Variants in CACNA2D3 observed in about 807,000 individuals in gnomAD.
CACNA2D3 encodes the protein voltage-dependent calcium channel subunit alpha-2/delta-3.
A neutral mutation model predicts 160.6 loss-of-function variants in CACNA2D3; 60 were observed. The ratio of observed to expected loss-of-function variants is 0.37; its 90% CI spans 0.30 to 0.46. The LOEUF (loss-of-function observed/expected upper bound fraction) is 0.46. Ranked by LOEUF, CACNA2D3 falls within the 20% of genes least tolerant of loss-of-function variation. CACNA2D3 has a pLI of 1.00. For missense variants in CACNA2D3, 1,205 were observed against 1,365.0 expected, an observed-to-expected ratio of 0.88 and a Z score of 1.85; for synonymous variants, 558 against 492.9, an observed-to-expected ratio of 1.13 and a Z score of -1.75.
chr3:54,202,717 G>A (rs1701201118), intron 2 of CACNA2D3, among the ~76,000 whole-genome samples: 1 of 152,202 alleles, frequency 6.6e-6, no homozygotes, highest in Non-Finnish European at 1.5e-5. Flanking sequence ...AAAAAACCCA[G>A]GAAACTGGGG....
intron 3 of CACNA2D3, among the ~76,000 whole-genome samples, chr3:54,368,271 A>C (rs1698860328): frequency 6.6e-6 from 1 of 152,166 alleles, no homozygotes; most frequent in African/African-American, 2.4e-5. Flanking sequence ...GGAGTTCTAG[A>C]CCAGCCTAGG....
chr3:54,578,192 A>G (rs1034161434), intron 8 of CACNA2D3, among the ~76,000 whole-genome samples: 9 of 152,224 alleles, frequency 5.9e-5, no homozygotes, highest in Non-Finnish European at 1.3e-4. Flanking sequence ...AAAGCAAATT[A>G]TAGAAGGAAA....
intron 3 of CACNA2D3, among the ~76,000 whole-genome samples, chr3:54,327,852 A>G (rs141964939): frequency 1.3e-5 from 2 of 152,284 alleles, no homozygotes; most frequent in African/African-American, 4.8e-5. Flanking sequence ...ATAAACTTCT[A>G]AAACATTGGA....
At position 54,764,181 on chromosome 3, in the gene CACNA2D3, C is replaced by T. The variant is rs377553062; in HGVS notation, c.1247-37C>T. 4.3e-6 allele frequency: 7 copies of T among 1,611,642 alleles called. No individual in the cohort carries two copies. The African/African-American group carries it at 9.3e-5, about 21-fold the overall frequency. ...TATTCCCAGTTGCAAGTCTTTCTGT[C>T]TGTTACTAAACTTGGCCCTCCCTTG... On this transcript the variant is annotated intron_variant, in intron 12 of 37. Coordinates refer to ENST00000474759, the MANE Select transcript of CACNA2D3 (RefSeq NM_018398.3).
chr3:54,489,054 C>T (rs1445483872), intron 4 of CACNA2D3, among the ~76,000 whole-genome samples: 1 of 152,160 alleles, frequency 6.6e-6, no homozygotes, highest in East Asian at 1.9e-4. Flanking sequence ...GAGCTACCAG[C>T]AGAGACCAGG....
intron 26 of CACNA2D3, among the ~76,000 whole-genome samples, chr3:54,898,248 A>T (rs1575539498): frequency 7.9e-6 from 1 of 127,028 alleles, no homozygotes; most frequent in African/African-American, 3.1e-5. Flanking sequence ...TTTGAGACAG[A>T]GTCTTGCTCC....
At chr3:54,130,261 A>T in intron 2 of CACNA2D3, among the ~76,000 whole-genome samples, 1 of 152,288 alleles carries the variant, frequency 6.6e-6, no homozygotes, top group African/African-American at 2.4e-5. Flanking sequence ...CATTCAGTCT[A>T]GGAGGCTTCC....
chr3:54,783,482 T>A (rs1702572535), intron 13 of CACNA2D3, among the ~76,000 whole-genome samples: 1 of 152,100 alleles, frequency 6.6e-6, no homozygotes, highest in South Asian at 2.1e-4. Flanking sequence ...GCCGTGTGCC[T>A]GTAATCCCAG....
intron 5 of CACNA2D3, among the ~76,000 whole-genome samples, chr3:54,515,195 TGTGTGA>T (rs1344572995): frequency 2.1e-5 from 3 of 142,694 alleles, no homozygotes; most frequent in African/African-American, 8.3e-5. Flanking sequence ...TGTGTGTGTG[TGTGTGA>T]GAGAGAGAGA....
In CACNA2D3 at chr3:54,222,422, AAGG is replaced by A. The variant is rs149728645; in HGVS notation, c.205-98017_205-98015del. 4.6e-3 allele frequency among the ~76,000 whole-genome samples: 702 copies of A among 152,346 alleles called. 4 individuals carry two copies. The highest frequency in any genetic ancestry group is 0.016 in the African/African-American group (645 of 41,576). Reference sequence around the variant, plus strand: ...GTCCCAGCTCAAGGCAGTGAGGCAGAAGGAGTTTTCTCTTATTCAGCCTTTTTG... The same window carrying A: ...GTCCCAGCTCAAGGCAGTGAGGCAGAAGTTTTCTCTTATTCAGCCTTTTTG... On this transcript the variant is annotated intron_variant, in intron 2 of 37. Coordinates refer to ENST00000474759, the MANE Select transcript of CACNA2D3 (RefSeq NM_018398.3).
At chr3:54,850,793 G>T (rs1429812094) in intron 17 of CACNA2D3, among the ~76,000 whole-genome samples, 2 of 152,220 alleles carry the variant, frequency 1.3e-5, no homozygotes, top group Non-Finnish European at 2.9e-5. Context: ...GAAGCTGTTT[G>T]CTCTGTGTCT....
intron 11 of CACNA2D3, among the ~76,000 whole-genome samples, chr3:54,720,845 A>G (rs1317249505): frequency 6.6e-6 from 1 of 152,168 alleles, no homozygotes; most frequent in Non-Finnish European, 1.5e-5. Context: ...ATCTAAATAC[A>G]TAGTATCACT....
chr3:54,497,211 T>C (rs534623518), intron 4 of CACNA2D3, among the ~76,000 whole-genome samples: 2 of 152,204 alleles, frequency 1.3e-5, no homozygotes, highest in East Asian at 3.9e-4. Flanking sequence ...ACTTGCGTCA[T>C]AAAATAGAAT....
chr3:54,704,557 G>T (rs569910531), intron 11 of CACNA2D3, among the ~76,000 whole-genome samples: 20 of 152,164 alleles, frequency 1.3e-4, no homozygotes, highest in African/African-American at 4.1e-4. Context: ...AATTTGTTGA[G>T]CTAGTCATTT....
At chr3:54,900,792 G>A (rs1700310526) in intron 27 of CACNA2D3, among the ~76,000 whole-genome samples, 1 of 152,240 alleles carries the variant, frequency 6.6e-6, no homozygotes, top group South Asian at 2.1e-4. Context: ...TGGAGCAGAT[G>A]GAGGAGACCT....
chr3:54,517,835 C>T (rs1281805568), intron 5 of CACNA2D3, among the ~76,000 whole-genome samples: 4 of 152,132 alleles, frequency 2.6e-5, no homozygotes, highest in African/African-American at 9.7e-5. Flanking sequence ...CCCTTGGAAG[C>T]TGGCTGACAA....
intron 21 of CACNA2D3, among the ~76,000 whole-genome samples, chr3:54,881,389 A>G (rs889741861): frequency 2.7e-4 from 41 of 152,330 alleles, no homozygotes; most frequent in African/African-American, 8.4e-4. Flanking sequence ...AATGATTTAC[A>G]TAGGTCAGAG....
At chr3:54,241,563 T>C (rs900235077) in intron 2 of CACNA2D3, among the ~76,000 whole-genome samples, 2 of 152,230 alleles carry the variant, frequency 1.3e-5, no homozygotes, top group African/African-American at 4.8e-5. Flanking sequence ...TGGAGACCAA[T>C]TTGGGTATGC....
At chr3:54,198,329 A>G (rs769529823) in intron 2 of CACNA2D3, among the ~76,000 whole-genome samples, 11 of 152,212 alleles carry the variant, frequency 7.2e-5, no homozygotes, top group Non-Finnish European at 1.5e-4. Context: ...TTCTAAGGGC[A>G]GTTTCATGTA....
Sources: gnomAD v4.1 joint callset for allele counts (sites outside exome capture counted in the v4.1 genomes callset) on GRCh38, gnomAD v4.1.1 for gene constraint, MANE v1.5 for transcripts, NCBI Gene and HGNC (gene_info 2026-07-23, HGNC 2026-07-21) for gene names.